ARRB1: variants seen among roughly 807,000 people sequenced by gnomAD.
The protein encoded by ARRB1 is arrestin beta 1.
Under a neutral mutation model 56.8 loss-of-function variants are expected in ARRB1, and 21 were observed. The observed-to-expected ratio is 0.37, with a 90% CI of 0.26 to 0.53. ARRB1 has a LOEUF of 0.53. ARRB1 is among the 20% of genes least tolerant of loss of function. The pLI is 0.88. For synonymous variants in ARRB1, 210 were observed against 218.6 expected, an observed-to-expected ratio of 0.96 and a Z score of 0.35; for missense variants, 424 against 553.7, an observed-to-expected ratio of 0.77 and a Z score of 2.35.
Position 75,265,967 on chromosome 11 carries a change from T to G in ARRB1, c.*196A>C. The G allele has an allele frequency of 1.0e-5, 6 of 593,282 alleles. No homozygotes were observed. The highest frequency in any genetic ancestry group is 7.9e-5 in the South Asian group (4 of 50,752). 36.8% of individuals were successfully genotyped at this position (593,282 alleles called of 1,614,324 possible). A position where few individuals can be genotyped will look rare whatever the true frequency, so the allele number is the denominator to read the frequency against. ...CAGAGATGGGGTGGAGCCAGTGCGC[T>G]GTGGTCCTGTTGGCGTGGTGATGTG... On this transcript the variant is annotated 3_prime_UTR_variant, in exon 16 of 16. Transcript: ENST00000420843.
chr11:75,311,998 C>T (rs1947171956), intron 1 of ARRB1: 7 of 1,272,820 alleles, frequency 5.5e-6, no homozygotes, highest in East Asian at 5.6e-5. Flanking sequence ...AAAAGCTGAC[C>T]GTTCTCGAAG....
chr11:75,325,309 G>C (rs1258036643), intron 1 of ARRB1, among the ~76,000 whole-genome samples: 1 of 152,132 alleles, frequency 6.6e-6, no homozygotes, highest in Non-Finnish European at 1.5e-5. Context: ...CCCAAAAAAG[G>C]CAGTTTACTT....
At chr11:75,314,141 A>C (rs1947221902) in intron 1 of ARRB1, among the ~76,000 whole-genome samples, 1 of 151,964 alleles carries the variant, frequency 6.6e-6, no homozygotes, top group African/African-American at 2.4e-5. Flanking sequence ...CTCCCACAGG[A>C]CTCCAGTCCC....
chr11:75,267,603 G>GGCC, intron 15 of ARRB1, 49 bp downstream of exon 15: 2 of 736,874 alleles, frequency 2.7e-6, no homozygotes, highest in Non-Finnish European at 4.6e-6. Context: ...CCTCCACCCC[G>GGCC]CCCACCCGCG....
rs1271016250 is a variant in ARRB1, at chr11:75,306,715, C to G, written c.21-16676G>C. On this transcript the variant is annotated intron_variant, in intron 1 of 15. Transcript: ENST00000420843. ...CCCGCAGGCTCAGCTCTCCCCAGCCCCAAGTGAGGGGTTAGTTACAAAGAA... is the reference window on the plus strand; with the variant it reads ...CCCGCAGGCTCAGCTCTCCCCAGCCGCAAGTGAGGGGTTAGTTACAAAGAA... 5 of 1,231,126 alleles carry G rather than the reference C, an allele frequency of 4.1e-6. No homozygotes were observed. The Admixed American group carries it at 1.3e-4, about 32-fold the overall frequency. 76.3% of individuals were successfully genotyped at this position (1,231,126 alleles called of 1,614,324 possible). A position where few individuals can be genotyped will look rare whatever the true frequency, so the allele number is the denominator to read the frequency against.
At chr11:75,324,423 G>C (rs1405986310) in intron 1 of ARRB1, among the ~76,000 whole-genome samples, 1 of 152,168 alleles carries the variant, frequency 6.6e-6, no homozygotes, top group African/African-American at 2.4e-5. Flanking sequence ...AGCCGCCCTC[G>C]TCAGCCTCAG....
chr11:75,311,543 C>T (rs946242380), intron 1 of ARRB1, among the ~76,000 whole-genome samples: 11 of 152,216 alleles, frequency 7.2e-5, no homozygotes, highest in Non-Finnish European at 1.5e-4. Flanking sequence ...GCATGGAATG[C>T]ACATCCTTAC....
Position 75,261,490 on chromosome 11 carries a change from C to T in ARRB1, c.*4673G>A, listed in dbSNP as rs979788487. 3.9e-5 allele frequency: 6 copies of T among 152,230 alleles called. No homozygotes were observed. The highest frequency in any genetic ancestry group is 8.8e-5 in the Non-Finnish European group (6 of 68,048). 9.4% of individuals were successfully genotyped at this position (152,230 alleles called of 1,614,324 possible). A position where few individuals can be genotyped will look rare whatever the true frequency, so the allele number is the denominator to read the frequency against. ...ACCTATCCTTTGCCTCCACTCCCAT[C>T]TTCCCACTTTAGCATCCCCTGACAA... On this transcript the variant is annotated 3_prime_UTR_variant, in exon 16 of 16. Coordinates refer to ENST00000420843, the MANE Select transcript of ARRB1 (RefSeq NM_004041.5).
chr11:75,338,568 C>T (rs752354577), intron 1 of ARRB1, among the ~76,000 whole-genome samples: 1 of 152,156 alleles, frequency 6.6e-6, no homozygotes, highest in Non-Finnish European at 1.5e-5. Flanking sequence ...GGTCAGGGCT[C>T]AGTGTGGGGC....
chr11:75,275,296 G>A (rs1783471), intron 10 of ARRB1, among the ~76,000 whole-genome samples: 125,608 of 151,526 alleles, frequency 0.83, 52,786 homozygotes, highest in Admixed American at 0.89. Context: ...ACAGGGGCGC[G>A]CCACCATGCC....
intron 3 of ARRB1, among the ~76,000 whole-genome samples, chr11:75,284,487 G>A (rs1946428020): frequency 6.6e-6 from 1 of 152,166 alleles, no homozygotes; most frequent in Non-Finnish European, 1.5e-5. Context: ...AACAGACCCA[G>A]CTGGTGACTT....
Position 75,260,996 on chromosome 11 carries a change from G to A in ARRB1, c.*5167C>T, listed in dbSNP as rs1305383395. The A allele has an allele frequency of 6.6e-6, 1 of 152,458 alleles. No individual in the cohort carries two copies. Among genetic ancestry groups the A allele is most frequent in the African/African-American group, 2.4e-5 (1 of 41,430 alleles). 9.4% of individuals were successfully genotyped at this position (152,458 alleles called of 1,614,324 possible). On this transcript the variant is annotated 3_prime_UTR_variant, in exon 16 of 16. Coordinates refer to ENST00000420843, the MANE Select transcript of ARRB1 (RefSeq NM_004041.5). ...CCTAGGCCAGGAAAGTGGGGTGCCA[G>A]ATAGGGGTGCAGACACAAGTCCTCA...
Position 75,287,328 on chromosome 11 carries a change from G to C in ARRB1, c.99C>G (p.Leu33=), listed in dbSNP as rs369734020. ...GKRDFVDHID[L]VDPVDGVVLV... ...CCAGGGACTCACCCACAGGGTCCACGAGGTCGATGTGGTCCACAAAGTCCC... is the reference window on the plus strand; with the variant it reads ...CCAGGGACTCACCCACAGGGTCCACCAGGTCGATGTGGTCCACAAAGTCCC... The change falls in exon 3 of 16, where the codon CTC becomes CTG. Residue 33 remains leucine (L), a synonymous_variant. Coordinates refer to ENST00000420843, the MANE Select transcript of ARRB1 (RefSeq NM_004041.5). 6 of 1,557,394 alleles carry C rather than the reference G, an allele frequency of 3.9e-6. 1 individual carries two copies. The South Asian group carries it at 7.1e-5, about 18-fold the overall frequency.
Position 75,306,299 on chromosome 11 carries a change from C to T in ARRB1, c.21-16260G>A, listed in dbSNP as rs1226896671. On this transcript the variant is annotated intron_variant, in intron 1 of 15. Transcript: ENST00000420843. ...AGTCCAAACCTCGTCTCCAGCCAGA[C>T]CCTCTCTGACCCCCACCCATCAGCC... Among the ~76,000 whole-genome samples, 3 of 152,162 alleles carry T rather than the reference C, an allele frequency of 2.0e-5. No homozygotes were observed. The South Asian group carries it at 6.2e-4, about 32-fold the overall frequency.
intron 1 of ARRB1, chr11:75,335,099 G>A (rs748080416): frequency 3.7e-5 from 7 of 186,720 alleles, no homozygotes; most frequent in Non-Finnish European, 1.3e-5. Context: ...TGGTGAATCC[G>A]CCTCGGGGCT....
rs1221814773 is a variant in ARRB1, at chr11:75,283,367, C to T, written c.274G>A (p.Glu92Lys). ...ANVQSFPPAP[E>K]DKKPLTRLQE... Reference sequence around the variant, plus strand: ...AGCCGCGTCAGGGGCTTCTTGTCCTCGGGGGCCGGTGGGAACGACTGTACG... The same window carrying T: ...AGCCGCGTCAGGGGCTTCTTGTCCTTGGGGGCCGGTGGGAACGACTGTACG... Residue 92 changes from glutamate to lysine, a missense_variant, in exon 5 of 16, where the codon GAG becomes AAG. Physicochemically the swap from Glu to Lys is moderately conservative, Grantham distance 56. Coordinates refer to ENST00000420843, the MANE Select transcript of ARRB1 (RefSeq NM_004041.5). 9.9e-6 allele frequency: 16 copies of T among 1,614,014 alleles called. No individual in the cohort carries two copies. The East Asian group carries it at 2.2e-4, about 22-fold the overall frequency.
At position 75,283,283 on chromosome 11, in the gene ARRB1, T is replaced by C. The variant is rs1215337758; in HGVS notation, c.354+4A>G. The stretch of plus-strand genomic sequence containing the variant: ...ATGGGGCCCCAGGGATGGCAGTTCC[T>C]GACCTCAAAGGTGAAAGGGTAAGCG... On this transcript the variant is annotated splice_donor_region_variant and intron_variant, in intron 5 of 15. Transcript: ENST00000420843. 6.3e-7 allele frequency: 1 copy of C among 1,590,232 alleles called. No individual in the cohort carries two copies. The highest frequency in any genetic ancestry group is 2.3e-5 in the East Asian group (1 of 44,436).
chr11:75,303,683 C>G (rs769708384), intron 1 of ARRB1: 1 of 456,298 alleles, frequency 2.2e-6, no homozygotes, highest in Admixed American at 2.3e-5. Context: ...AGTGAACAAG[C>G]AAGCCCTCCC....
chr11:75,340,674 A>G (rs912526671), intron 1 of ARRB1, among the ~76,000 whole-genome samples: 1 of 152,200 alleles, frequency 6.6e-6, no homozygotes, highest in Non-Finnish European at 1.5e-5. Flanking sequence ...GGGGTTGGGA[A>G]CCAGGAAAGC....
Sources: gnomAD v4.1 joint callset for allele counts (sites outside exome capture counted in the v4.1 genomes callset) on GRCh38, gnomAD v4.1.1 for gene constraint, MANE v1.5 for transcripts, NCBI Gene and HGNC (gene_info 2026-07-23, HGNC 2026-07-21) for gene names.